SYTL5: variants seen among roughly 807,000 people sequenced by gnomAD.
The protein encoded by SYTL5 is synaptotagmin-like protein 5.
A neutral mutation model predicts 55.9 loss-of-function variants in SYTL5; 34 were observed. The observed-to-expected ratio is 0.61, with a 90% CI of 0.46 to 0.81. SYTL5 has a LOEUF of 0.81. SYTL5 is among the 30% of genes least tolerant of loss of function. The probability of loss-of-function intolerance (pLI) is 0.00; values close to 1 mark genes in which losing one functional copy is unlikely to be tolerated. For missense variants in SYTL5, 637 were observed against 546.7 expected (o/e 1.17, Z -1.65); for synonymous variants, 221 against 188.7 (o/e 1.17, Z -1.40).
chrX:37,914,600 G>A, the SYTL5 span, among the ~76,000 whole-genome samples: 1 of 111,843 alleles, frequency 8.9e-6, no homozygotes, highest in African/African-American at 3.2e-5. Context: ...GATGGGATAA[G>A]GTAGGAGCAG....
chrX:37,943,599 T>A, the SYTL5 span, among the ~76,000 whole-genome samples: 1 of 111,419 alleles, frequency 9.0e-6, no homozygotes, highest in African/African-American at 3.3e-5. Flanking sequence ...GAAATTTGAT[T>A]ATACAAAGTG....
At chrX:38,038,157 A>G (rs1272148082) in intron 2 of SYTL5, among the ~76,000 whole-genome samples, 1 of 112,246 alleles carries the variant, frequency 8.9e-6, no homozygotes, top group Admixed American at 9.5e-5. Context: ...TCATACAGAA[A>G]CACCCTCACA....
At chrX:38,075,458 T>A (rs1477160057) in intron 5 of SYTL5, among the ~76,000 whole-genome samples, 1 of 111,170 alleles carries the variant, frequency 9.0e-6, no homozygotes, top group African/African-American at 3.3e-5. Context: ...TAAGTGCCAG[T>A]TGAGTATAGG....
the SYTL5 span, among the ~76,000 whole-genome samples, chrX:37,925,884 C>T: frequency 1.8e-5 from 2 of 111,944 alleles, no homozygotes; most frequent in African/African-American, 6.5e-5. Flanking sequence ...AATTACTTCA[C>T]TTAGAATAAT....
chrX:38,126,757 C>T lies in SYTL5; in HGVS notation c.*27C>T. On this transcript the variant is annotated 3_prime_UTR_variant, in exon 17 of 17. Transcript: ENST00000297875. ...GGGACCAGTTCTCCAAGAATGAGGC[C>T]ACCAGGACCTATCTGGCTGTCTTTT... The T allele has an allele frequency of 8.4e-7, 1 of 1,184,926 alleles. No individual in the cohort carries two copies. The highest frequency in any genetic ancestry group is 1.1e-6 in the Non-Finnish European group (1 of 880,710).
chrX:38,055,148 G>C (rs960735043), intron 3 of SYTL5, among the ~76,000 whole-genome samples: 1 of 111,828 alleles, frequency 8.9e-6, no homozygotes, highest in Non-Finnish European at 1.9e-5. Flanking sequence ...CTGGCAATAT[G>C]GTTCTCACAT....
intron 3 of SYTL5, among the ~76,000 whole-genome samples, chrX:38,071,097 G>A (rs1048495081): frequency 1.8e-5 from 2 of 111,914 alleles, no homozygotes; most frequent in Non-Finnish European, 3.8e-5. Flanking sequence ...CGTGGTCTGT[G>A]AAAGACTTTC....
intron 3 of SYTL5, among the ~76,000 whole-genome samples, chrX:38,066,029 G>A (rs773358789): frequency 8.1e-5 from 9 of 110,957 alleles, no homozygotes; most frequent in Non-Finnish European, 1.3e-4. Context: ...GAACCTAGAA[G>A]GTGGAGGTTG....
chrX:37,948,891 A>C, the SYTL5 span, among the ~76,000 whole-genome samples: 2 of 111,952 alleles, frequency 1.8e-5, no homozygotes. Context: ...ACATAGGAAT[A>C]CAGATATCTA....
In SYTL5 at chrX:38,128,448, G is replaced by A. The variant is rs745516823; in HGVS notation, c.*1718G>A. 2.7e-5 allele frequency: 3 copies of A among 111,358 alleles called. No homozygotes were observed. The highest frequency in any genetic ancestry group is 5.6e-5 in the Non-Finnish European group (3 of 53,120). 9.2% of individuals were successfully genotyped at this position (111,358 alleles called of 1,213,427 possible). A position where few individuals can be genotyped will look rare whatever the true frequency, so the allele number is the denominator to read the frequency against. The stretch of plus-strand genomic sequence containing the variant: ...AGCCTCTGAGCTCATTTTTTCATGC[G>A]AGTTCATATAAAATCCTCGAAAGTT... On this transcript the variant is annotated 3_prime_UTR_variant, in exon 17 of 17. Transcript: ENST00000297875.
chrX:37,956,108 A>G, the SYTL5 span, among the ~76,000 whole-genome samples: 1,014 of 112,100 alleles, frequency 9.0e-3, 7 homozygotes, highest in South Asian at 0.032. Context: ...TCAGTTTAAG[A>G]TGCAAAAGCA....
intron 3 of SYTL5, among the ~76,000 whole-genome samples, chrX:38,062,790 A>C (rs1935992235): frequency 8.9e-6 from 1 of 112,201 alleles, no homozygotes; most frequent in Non-Finnish European, 1.9e-5. Context: ...AGATGAAAAC[A>C]AGGTGACTGT....
At chrX:38,060,138 ACTTT>A (rs1185938323) in intron 3 of SYTL5, among the ~76,000 whole-genome samples, 46 of 111,814 alleles carry the variant, frequency 4.1e-4, no homozygotes, top group African/African-American at 1.3e-3. Flanking sequence ...ACTGAGGTAT[ACTTT>A]TCAATACAAG....
the SYTL5 span, among the ~76,000 whole-genome samples, chrX:37,901,179 C>A: frequency 8.9e-5 from 10 of 111,749 alleles, no homozygotes; most frequent in Non-Finnish European, 3.8e-5. Flanking sequence ...GAGGGGATCC[C>A]TTGGGACTAT....
chrX:37,896,299 A>C, the SYTL5 span, among the ~76,000 whole-genome samples: 1 of 111,937 alleles, frequency 8.9e-6, no homozygotes, highest in Non-Finnish European at 1.9e-5. Flanking sequence ...AAAATAAATA[A>C]GTAAATTACA....
intron 10 of SYTL5, among the ~76,000 whole-genome samples, chrX:38,105,033 T>C (rs765757548): frequency 1.8e-5 from 2 of 112,411 alleles, no homozygotes; most frequent in Non-Finnish European, 3.8e-5. Flanking sequence ...GTGGAGTCAT[T>C]ATTAAGTAAA....
chrX:38,047,571 C>G lies in SYTL5; in HGVS notation c.120-6642C>G, dbSNP rs148100672. ...TCCAGGCCTGTGATAAGAGGGGTTG[C>G]CGCAAAGGTCTCTGACATGCCTTGG... On this transcript the variant is annotated intron_variant, in intron 2 of 16. Transcript: ENST00000297875. Among the ~76,000 whole-genome samples, 61 of 112,868 alleles carry G rather than the reference C, an allele frequency of 5.4e-4. No individual in the cohort carries two copies. In the East Asian group the frequency reaches 0.017, roughly 31 times the overall value.
At chrX:37,890,142 G>A in the SYTL5 span, among the ~76,000 whole-genome samples, 81 of 110,122 alleles carry the variant, frequency 7.4e-4, no homozygotes, top group African/African-American at 2.6e-3. Flanking sequence ...ACCTTTTTAG[G>A]ATTAAAAAAT....
the SYTL5 span, among the ~76,000 whole-genome samples, chrX:37,936,278 G>A: frequency 2.7e-5 from 3 of 112,073 alleles, no homozygotes; most frequent in East Asian, 8.4e-4. Flanking sequence ...GCCATCTTTA[G>A]AAAATATAAT....
Sources: gnomAD v4.1 joint callset for allele counts (sites outside exome capture counted in the v4.1 genomes callset) on GRCh38, gnomAD v4.1.1 for gene constraint, MANE v1.5 for transcripts, NCBI Gene and HGNC (gene_info 2026-07-23, HGNC 2026-07-21) for gene names.